Variants in GALNT13 observed in about 807,000 individuals in gnomAD.
GALNT13 encodes polypeptide N-acetylgalactosaminyltransferase 13, also known as UDP-GalNAc:polypeptide N-acetylgalactosaminyltransferase 13.
Under a neutral mutation model 64.2 loss-of-function variants are expected in GALNT13, and 28 were observed. The ratio of observed to expected loss-of-function variants is 0.44; its 90% CI spans 0.32 to 0.60. The LOEUF (loss-of-function observed/expected upper bound fraction) is 0.60, where lower values mean the gene tolerates loss of function less well. Ranked by LOEUF, GALNT13 falls within the 20% of genes least tolerant of loss-of-function variation. GALNT13 has a pLI of 0.05. For missense variants in GALNT13, 577 were observed against 669.8 expected (o/e 0.86, Z 1.53); for synonymous variants, 214 against 224.6 (o/e 0.95, Z 0.42).
chr2:153,771,985 C>G, the GALNT13 span, among the ~76,000 whole-genome samples: 2 of 152,322 alleles, frequency 1.3e-5, no homozygotes, highest in East Asian at 3.9e-4. Flanking sequence ...CATATGTAGG[C>G]TGGTTCCAAG....
At chr2:153,650,057 A>C in the GALNT13 span, among the ~76,000 whole-genome samples, 1 of 152,140 alleles carries the variant, frequency 6.6e-6, no homozygotes, top group Non-Finnish European at 1.5e-5. Flanking sequence ...TAATGTTGAA[A>C]GTGGGGTGTT....
At chr2:153,977,757 C>T (rs1316447287) in intron 3 of GALNT13, among the ~76,000 whole-genome samples, 1 of 152,114 alleles carries the variant, frequency 6.6e-6, no homozygotes, top group Non-Finnish European at 1.5e-5. Flanking sequence ...TGTATATTAA[C>T]AATATATCTG....
the GALNT13 span, among the ~76,000 whole-genome samples, chr2:153,753,851 G>C: frequency 6.6e-6 from 1 of 152,214 alleles, no homozygotes; most frequent in Non-Finnish European, 1.5e-5. Flanking sequence ...CCAGTAGTTA[G>C]GGACTAGAGT....
chr2:153,694,275 G>A, the GALNT13 span, among the ~76,000 whole-genome samples: 26 of 152,220 alleles, frequency 1.7e-4, no homozygotes, highest in Admixed American at 8.5e-4. Flanking sequence ...CAAGGAGGCC[G>A]TATGCATAGG....
the GALNT13 span, among the ~76,000 whole-genome samples, chr2:153,539,117 T>G: frequency 2.1e-5 from 3 of 143,438 alleles, no homozygotes; most frequent in African/African-American, 8.1e-5. Flanking sequence ...CATTGTGGTT[T>G]TGATTTGCAT....
chr2:154,086,712 A>G (rs1253993648), intron 3 of GALNT13, among the ~76,000 whole-genome samples: 2 of 152,066 alleles, frequency 1.3e-5, no homozygotes, highest in Non-Finnish European at 2.9e-5. Context: ...TAACTAAATG[A>G]TATTTACTAA....
At chr2:153,846,456 T>C in the GALNT13 span, among the ~76,000 whole-genome samples, 3 of 152,094 alleles carry the variant, frequency 2.0e-5, no homozygotes, top group Non-Finnish European at 4.4e-5. Context: ...AAAATCATGA[T>C]AAATATTGTT....
At chr2:154,251,287 A>C (rs1282804928) in intron 7 of GALNT13, among the ~76,000 whole-genome samples, 1 of 152,138 alleles carries the variant, frequency 6.6e-6, no homozygotes, top group Non-Finnish European at 1.5e-5. Flanking sequence ...GTACAATGAA[A>C]GATTAAAATT....
At chr2:153,722,532 A>G in the GALNT13 span, among the ~76,000 whole-genome samples, 1 of 149,922 alleles carries the variant, frequency 6.7e-6, no homozygotes, top group Non-Finnish European at 1.5e-5. Context: ...GGTTTTTTGA[A>G]AGGATCAACA....
chr2:153,492,627 G>A, the GALNT13 span, among the ~76,000 whole-genome samples: 7 of 152,084 alleles, frequency 4.6e-5, no homozygotes, highest in African/African-American at 1.7e-4. Flanking sequence ...GAGGAAAAAC[G>A]AAATAATGTT....
At chr2:154,252,960 T>C (rs969736835) in intron 7 of GALNT13, among the ~76,000 whole-genome samples, 5 of 152,170 alleles carry the variant, frequency 3.3e-5, no homozygotes, top group Non-Finnish European at 7.3e-5. Flanking sequence ...AAATATTACA[T>C]ATCTGAAAAT....
At chr2:153,750,878 A>G in the GALNT13 span, among the ~76,000 whole-genome samples, 1 of 150,866 alleles carries the variant, frequency 6.6e-6, no homozygotes, top group South Asian at 2.1e-4. Context: ...TCTTGCTTTT[A>G]TAGTTGTTTA....
the GALNT13 span, among the ~76,000 whole-genome samples, chr2:153,385,635 A>C: frequency 6.6e-6 from 1 of 152,004 alleles, no homozygotes; most frequent in South Asian, 2.1e-4. Flanking sequence ...TATTTGATAG[A>C]GTGATTATAG....
chr2:153,679,922 A>G, the GALNT13 span, among the ~76,000 whole-genome samples: 1 of 151,806 alleles, frequency 6.6e-6, no homozygotes, highest in Admixed American at 6.6e-5. Flanking sequence ...GTACTATTTC[A>G]TACCTGTAAA....
At chr2:153,242,154 T>A in the GALNT13 span, among the ~76,000 whole-genome samples, 1 of 152,028 alleles carries the variant, frequency 6.6e-6, no homozygotes, top group African/African-American at 2.4e-5. Context: ...CAATAGAAAC[T>A]GCTCAATGCT....
At chr2:153,252,651 A>C in the GALNT13 span, among the ~76,000 whole-genome samples, 7 of 152,304 alleles carry the variant, frequency 4.6e-5, no homozygotes, top group South Asian at 2.1e-4. Flanking sequence ...TTTTTGTATA[A>C]TGTGTAAGGA....
intron 3 of GALNT13, among the ~76,000 whole-genome samples, chr2:154,138,452 CA>C (rs1484187512): frequency 5.3e-5 from 8 of 151,394 alleles, no homozygotes; most frequent in Admixed American, 4.6e-4. Context: ...AAATGTACCC[CA>C]AATTATTTAA....
chr2:153,428,905 T>A, the GALNT13 span, among the ~76,000 whole-genome samples: 5 of 152,316 alleles, frequency 3.3e-5, no homozygotes, highest in South Asian at 6.2e-4. Context: ...GCATCTCCTT[T>A]ACTCTGAAAG....
chr2:154,279,782 A>C (rs1691858040), intron 8 of GALNT13, among the ~76,000 whole-genome samples: 1 of 152,112 alleles, frequency 6.6e-6, no homozygotes, highest in Non-Finnish European at 1.5e-5. Flanking sequence ...ACCTTCATTG[A>C]CTATTACCAA....
Sources: gnomAD v4.1 joint callset for allele counts (sites outside exome capture counted in the v4.1 genomes callset) on GRCh38, gnomAD v4.1.1 for gene constraint, MANE v1.5 for transcripts, NCBI Gene and HGNC (gene_info 2026-07-23, HGNC 2026-07-21) for gene names.